The following AMPH variants were observed in gnomAD, a reference collection of about 807,000 sequenced individuals.
AMPH encodes the protein amphiphysin, also known as amphiphysin (Stiff-Mann syndrome with breast cancer 128kD autoantigen).
Under a neutral mutation model 99.1 loss-of-function variants are expected in AMPH, and 49 were observed. The ratio of observed to expected loss-of-function variants is 0.49; its 90% CI spans 0.39 to 0.63. The LOEUF (loss-of-function observed/expected upper bound fraction) is 0.63. AMPH is among the 20% of genes least tolerant of loss of function. The pLI, the probability that AMPH is intolerant of heterozygous loss-of-function variation, is 0.00. For synonymous variants in AMPH, 314 were observed against 317.3 expected (o/e 0.99, Z 0.11); for missense variants, 759 against 863.4 (o/e 0.88, Z 1.52).
intron 17 of AMPH, among the ~76,000 whole-genome samples, chr7:38,408,101 A>G (rs1562733851): frequency 6.6e-6 from 1 of 152,228 alleles, no homozygotes; most frequent in Non-Finnish European, 1.5e-5. Context: ...GTCAGTAAAC[A>G]AGGACTGAAA....
intron 11 of AMPH, among the ~76,000 whole-genome samples, chr7:38,447,016 A>AT (rs35968358): frequency 7.0e-4 from 103 of 147,868 alleles, no homozygotes; most frequent in East Asian, 2.0e-3. Context: ...TTTGGTTACT[A>AT]TTTTTTTTTT....
At chr7:38,432,162 GA>G in intron 13 of AMPH, 26 bp downstream of exon 13, 1 of 1,604,480 alleles carries the variant, frequency 6.2e-7, no homozygotes, top group Non-Finnish European at 8.5e-7. Flanking sequence ...CAAGATACAT[GA>G]AAAAACAGAG....
intron 11 of AMPH, among the ~76,000 whole-genome samples, chr7:38,452,102 T>C (rs982252928): frequency 6.6e-6 from 1 of 152,188 alleles, no homozygotes; most frequent in Non-Finnish European, 1.5e-5. Context: ...GTGATGGTGC[T>C]TGGTGGAGGA....
chr7:38,461,239 C>G, intron 11 of AMPH, 44 bp downstream of exon 11: 6 of 1,609,746 alleles, frequency 3.7e-6, no homozygotes, highest in Non-Finnish European at 4.2e-6. Flanking sequence ...GTCCTTCCAC[C>G]ATGGGACTTT....
chr7:38,598,729 G>A (rs1448896171), intron 1 of AMPH, among the ~76,000 whole-genome samples: 1 of 151,912 alleles, frequency 6.6e-6, no homozygotes, highest in Non-Finnish European at 1.5e-5. Context: ...TTCTTGATTT[G>A]TCATCTTAGT....
chr7:38,413,656 A>G (rs1199882701), intron 17 of AMPH, among the ~76,000 whole-genome samples: 1 of 152,186 alleles, frequency 6.6e-6, no homozygotes, highest in Non-Finnish European at 1.5e-5. Context: ...TTTCTAAGAA[A>G]GGTAAACAGG....
rs534938949 is a variant in AMPH, at chr7:38,429,248, C to T, written c.1182+594G>A. ...AAGCAGCAATGGCAACTCCAGCCTCCGGCGCAGGCTTTGGGGGCAGTTGTT... is the reference window on the plus strand; with the variant it reads ...AAGCAGCAATGGCAACTCCAGCCTCTGGCGCAGGCTTTGGGGGCAGTTGTT... On this transcript the variant is annotated intron_variant, in intron 14 of 20. Transcript: ENST00000356264. 1.5e-5 allele frequency: 19 copies of T among 1,286,736 alleles called. No homozygotes were observed. The East Asian group carries it at 2.2e-4, about 15-fold the overall frequency. 79.7% of individuals were successfully genotyped at this position (1,286,736 alleles called of 1,614,324 possible). A position where few individuals can be genotyped will look rare whatever the true frequency, so the allele number is the denominator to read the frequency against.
rs187751244 is a variant in AMPH at position 38,409,226 on chromosome 7, C to T, written c.1398+8599G>A. On this transcript the variant is annotated intron_variant, in intron 17 of 20. Coordinates refer to ENST00000356264, the MANE Select transcript of AMPH (RefSeq NM_001635.4). ...GAATTCTGGCTGCAGGGCACCATTG[C>T]CTTTTCTTGCCCATCTCTAATTCTA... 3.1e-4 allele frequency among the ~76,000 whole-genome samples: 47 copies of T among 152,308 alleles called. No homozygotes were observed. In the East Asian group the frequency reaches 7.9e-3, roughly 26 times the overall value.
chr7:38,541,422 A>G (rs944234449), intron 1 of AMPH, among the ~76,000 whole-genome samples: 1 of 152,172 alleles, frequency 6.6e-6, no homozygotes, highest in African/African-American at 2.4e-5. Context: ...AATTTGCCCT[A>G]ATGTGAGAGG....
chr7:38,537,199 A>G (rs542330651), intron 1 of AMPH, among the ~76,000 whole-genome samples: 15 of 152,322 alleles, frequency 9.8e-5, no homozygotes, highest in African/African-American at 3.6e-4. Context: ...ATTGATAAGC[A>G]AATTAATATA....
intron 3 of AMPH, among the ~76,000 whole-genome samples, chr7:38,499,652 G>C (rs1789059447): frequency 6.6e-6 from 1 of 152,052 alleles, no homozygotes; most frequent in African/African-American, 2.4e-5. Flanking sequence ...GTTGTCCTTG[G>C]GAAAACAAGA....
At position 38,384,545 on chromosome 7, in the gene AMPH, G is replaced by A. The variant is rs1784298888; in HGVS notation, c.*273C>T. On this transcript the variant is annotated 3_prime_UTR_variant, in exon 21 of 21. Coordinates refer to ENST00000356264, the MANE Select transcript of AMPH (RefSeq NM_001635.4). ...GGAGAAAGCTACTTTAGAATTGGTG[G>A]GAGGGGATCAAGTACAAGAGTCTCC... The A allele has an allele frequency of 3.0e-6, 1 of 331,058 alleles. No homozygotes were observed. 20.5% of individuals were successfully genotyped at this position (331,058 alleles called of 1,614,324 possible). A position where few individuals can be genotyped will look rare whatever the true frequency, so the allele number is the denominator to read the frequency against.
chr7:38,482,663 T>A (rs1788331313), intron 5 of AMPH, among the ~76,000 whole-genome samples: 1 of 152,118 alleles, frequency 6.6e-6, no homozygotes, highest in South Asian at 2.1e-4. Context: ...CAAAAAACTT[T>A]CAGATGTTTG....
At chr7:38,459,190 G>A (rs868375719) in intron 11 of AMPH, among the ~76,000 whole-genome samples, 6 of 151,990 alleles carry the variant, frequency 3.9e-5, no homozygotes, top group Admixed American at 6.6e-5. Context: ...AGATCTGTAT[G>A]AGGAAAACTA....
chr7:38,559,325 T>C (rs917124016), intron 1 of AMPH, among the ~76,000 whole-genome samples: 1 of 152,240 alleles, frequency 6.6e-6, no homozygotes, highest in Admixed American at 6.5e-5. Context: ...AAGGTGAATA[T>C]AGATGAAGGA....
chr7:38,476,528 C>T (rs1788090757), intron 6 of AMPH, among the ~76,000 whole-genome samples: 1 of 152,154 alleles, frequency 6.6e-6, no homozygotes, highest in South Asian at 2.1e-4. Flanking sequence ...CTGAGAATTT[C>T]AGCTTGGTGT....
rs774443395 is a variant in AMPH at position 38,534,988 on chromosome 7, A to C, written c.93T>G (p.Ala31=). The change falls in exon 2 of 21, where the codon GCT becomes GCG. Residue 31 remains alanine (A), a synonymous_variant. Coordinates refer to ENST00000356264, the MANE Select transcript of AMPH (RefSeq NM_001635.4). ...CGAACTGTTCGTCTTTTGTCTCATCAGCTTTCCCCAGCTTTTGGAGGACCT... is the reference window on the plus strand; with the variant it reads ...CGAACTGTTCGTCTTTTGTCTCATCCGCTTTCCCCAGCTTTTGGAGGACCT... ...QEKVLQKLGK[A]DETKDEQFEE... 1.9e-6 allele frequency: 3 copies of C among 1,613,978 alleles called. No homozygotes were observed. The African/African-American group carries it at 4.0e-5, about 22-fold the overall frequency.
rs369844344 is a variant in AMPH, at chr7:38,406,721, T to C, written c.1398+11104A>G. Among the ~76,000 whole-genome samples the C allele has an allele frequency of 6.2e-3, 716 of 115,810 alleles. 14 individuals carry two copies. The highest frequency in any genetic ancestry group is 0.021 in the East Asian group (61 of 2,916). The allele number at this position is 115,810 out of a possible 152,430, so 76.0% of individuals were successfully genotyped here. ...TGAGTTCTCTCTCCTCTCCTCTCTC[T>C]CTCCCTTTCCCTCTCTCTCTCTCTC... On this transcript the variant is annotated intron_variant, in intron 17 of 20. Coordinates refer to ENST00000356264, the MANE Select transcript of AMPH (RefSeq NM_001635.4).
At chr7:38,394,254 T>A (rs749883832) in intron 17 of AMPH, 40 bp from the exon 18 acceptor site, 2 of 1,603,080 alleles carry the variant, frequency 1.2e-6, no homozygotes, top group Non-Finnish European at 1.7e-6. Context: ...TGCATCTCCA[T>A]GGGCCTCTGC....
Sources: gnomAD v4.1 joint callset for allele counts (sites outside exome capture counted in the v4.1 genomes callset) on GRCh38, gnomAD v4.1.1 for gene constraint, MANE v1.5 for transcripts, NCBI Gene and HGNC (gene_info 2026-07-23, HGNC 2026-07-21) for gene names.